ZBED5: variants seen among roughly 807,000 people sequenced by gnomAD.
The protein encoded by ZBED5 is zinc finger BED-type containing 5, also known as zinc finger BED domain-containing protein 5.
A neutral mutation model predicts 49.2 loss-of-function variants in ZBED5; 29 were observed. The observed-to-expected ratio is 0.59, with a 90% CI of 0.44 to 0.80. The LOEUF (loss-of-function observed/expected upper bound fraction) is 0.80. Ranked by LOEUF, ZBED5 falls within the 30% of genes least tolerant of loss-of-function variation. The probability of loss-of-function intolerance (pLI) is 0.00; values close to 1 mark genes in which losing one functional copy is unlikely to be tolerated. For synonymous variants in ZBED5, 281 were observed against 292.5 expected (o/e 0.96, Z 0.40); for missense variants, 775 against 812.9 (o/e 0.95, Z 0.57).
rs1351710845 is a variant in ZBED5, at chr11:10,852,815, A to C, written c.*49T>G. 1 of 1,438,108 alleles carries C rather than the reference A, an allele frequency of 7.0e-7. No homozygotes were observed. The highest frequency in any genetic ancestry group is 2.5e-5 in the East Asian group (1 of 39,842). 89.1% of individuals were successfully genotyped at this position (1,438,108 alleles called of 1,614,324 possible). On this transcript the variant is annotated 3_prime_UTR_variant, in exon 3 of 3. Transcript: ENST00000413761. ...CCAGAGATGAAGTAAATCATCTTTT[A>C]TTTTCATCTTACATTTGGTTATCAT...
Position 10,854,472 on chromosome 11 carries a change from A to G in ZBED5, c.474T>C (p.Ala158=), listed in dbSNP as rs377181543. The part of the protein sequence containing the change: ...KLRRHLETKH[A]AYKDKDISFF... ...AGCTTATGTCTTTGTCTTTATATGC[A>G]GCATGTTTAGTTTCCAAATGTCTTC... The change falls in exon 3 of 3, where the codon GCT becomes GCC. Residue 158 remains alanine, a synonymous_variant. Coordinates refer to ENST00000413761, the MANE Select transcript of ZBED5 (RefSeq NM_001143667.2). This position sits in a 1 kb window ranked among gnomAD's most constrained non-coding sequence, Gnocchi z 5.0. 1.3e-6 allele frequency: 2 copies of G among 1,551,358 alleles called. No individual in the cohort carries two copies. Among genetic ancestry groups the G allele is most frequent in the Non-Finnish European group, 1.7e-6 (2 of 1,146,914 alleles).
rs766935945 is a variant in ZBED5 at position 10,852,992 on chromosome 11, C to T, written c.1954G>A (p.Ala652Thr). The T allele has an allele frequency of 1.9e-5, 30 of 1,551,348 alleles. No individual in the cohort carries two copies. The highest frequency in any genetic ancestry group is 2.6e-5 in the Non-Finnish European group (30 of 1,146,940). The stretch of plus-strand genomic sequence containing the variant: ...TTCCTATATTTTGTTTTTGTTGCAG[C>T]GTAATATGAAAACCCCGTTTCACAC... Reference protein sequence around the residue: ...HLCETGFSYYAATKTKYRKRL... With the variant: ...HLCETGFSYYTATKTKYRKRL... The change falls in exon 3 of 3, where the codon GCT becomes ACT. Residue 652 changes from alanine (A) to threonine (T), a missense_variant. Coordinates refer to ENST00000413761, the MANE Select transcript of ZBED5 (RefSeq NM_001143667.2).
In ZBED5 at chr11:10,854,954, T is replaced by G. The variant is rs1200795814; in HGVS notation, c.-9A>C. 6.5e-7 allele frequency: 1 copy of G among 1,545,874 alleles called. No individual in the cohort carries two copies. Among genetic ancestry groups the G allele is most frequent in the South Asian group, 1.2e-5 (1 of 83,648 alleles). ...AGAAGAGGAGCAATCATCAAAGAGA[T>G]GATATACAGCAACACATCAGTTAAT... On this transcript the variant is annotated 5_prime_UTR_variant, in exon 3 of 3. Coordinates refer to ENST00000413761, the MANE Select transcript of ZBED5 (RefSeq NM_001143667.2). This position sits in a 1 kb window ranked among gnomAD's most constrained non-coding sequence, Gnocchi z 5.0.
rs1848194534 is a variant in ZBED5, at chr11:10,857,225, C to T, written c.-256+637G>A. 6.6e-6 allele frequency: 1 copy of T among 152,264 alleles called. No homozygotes were observed. Among genetic ancestry groups the T allele is most frequent in the South Asian group, 2.1e-4 (1 of 4,836 alleles). The allele number at this position is 152,264 out of a possible 1,614,324, so 9.4% of individuals were successfully genotyped here. A position where few individuals can be genotyped will look rare whatever the true frequency, so the allele number is the denominator to read the frequency against. ...AGAAAGAAGGTCCTCAACCCCACCT[C>T]TTCGAAGGTGTTTCCCCGAATTTCT... On this transcript the variant is annotated intron_variant, in intron 1 of 2. Coordinates refer to ENST00000413761, the MANE Select transcript of ZBED5 (RefSeq NM_001143667.2). The surrounding 1 kb of genome is among the most constrained non-coding windows in gnomAD (Gnocchi z 6.3).
rs777004597 is a variant in ZBED5, at chr11:10,852,871, G to C, written c.2075C>G (p.Ser692Cys). The change falls in exon 3 of 3, where the codon TCT (serine) becomes TGT (cysteine). Residue 692 changes from serine to cysteine, a missense_variant. Coordinates refer to ENST00000413761, the MANE Select transcript of ZBED5 (RefSeq NM_001143667.2). ...ATGCAAACTCCTCCAATTTTAATGA[G>C]AACAGTGTTTTTGTGTCTTTTTATC... is the stretch of plus-strand genomic sequence containing the variant. ...ICDKKTQKHCSH is the reference protein window; with the variant it reads ...ICDKKTQKHCCH 6.5e-7 allele frequency: 1 copy of C among 1,530,388 alleles called. No individual in the cohort carries two copies. The highest frequency in any genetic ancestry group is 1.2e-5 in the South Asian group (1 of 82,544). 94.8% of individuals were successfully genotyped at this position (1,530,388 alleles called of 1,614,324 possible).
chr11:10,855,396 C>A lies in ZBED5; in HGVS notation c.-141-310G>T, dbSNP rs941382938. Among the ~76,000 whole-genome samples, 2 of 152,136 alleles carry A rather than the reference C, an allele frequency of 1.3e-5. No individual in the cohort carries two copies. The highest frequency in any genetic ancestry group is 4.8e-5 in the African/African-American group (2 of 41,420). On this transcript the variant is annotated intron_variant, in intron 2 of 2. Transcript: ENST00000413761. The surrounding 1 kb of genome is among the most constrained non-coding windows in gnomAD (Gnocchi z 4.1). ...AAGGGCCATATAGTCTCTGTTGCAACTACTCAACTCTGTAGTTGTAACATG... is the reference window on the plus strand; with the variant it reads ...AAGGGCCATATAGTCTCTGTTGCAAATACTCAACTCTGTAGTTGTAACATG...
chr11:10,858,048 C>A lies in ZBED5; in HGVS notation c.-442G>T, dbSNP rs535364812. ...TCCGATTCGCGGCTGGCGCGGTCGC[C>A]GGTCTGAAGATAAATTTAGCACTCT... is the stretch of plus-strand genomic sequence containing the variant. On this transcript the variant is annotated 5_prime_UTR_variant, in exon 1 of 3. Transcript: ENST00000413761. 14 of 343,198 alleles carry A rather than the reference C, an allele frequency of 4.1e-5. No homozygotes were observed. The highest frequency in any genetic ancestry group is 6.3e-5 in the Non-Finnish European group (12 of 191,302). 21.3% of individuals were successfully genotyped at this position (343,198 alleles called of 1,614,324 possible).
chr11:10,854,848 G>A lies in ZBED5; in HGVS notation c.98C>T (p.Ser33Leu). 6.4e-7 allele frequency: 1 copy of A among 1,551,962 alleles called. No individual in the cohort carries two copies. The highest frequency in any genetic ancestry group is 8.7e-7 in the Non-Finnish European group (1 of 1,146,982). Residue 33 changes from serine to leucine, a missense_variant, in exon 3 of 3, where the codon TCA becomes TTA. Coordinates refer to ENST00000413761, the MANE Select transcript of ZBED5 (RefSeq NM_001143667.2). The surrounding 1 kb of genome is among the most constrained non-coding windows in gnomAD (Gnocchi z 5.0). The stretch of plus-strand genomic sequence containing the variant: ...TTTCAGCAACAGATCCATGGGCAAT[G>A]AGTTTGTGGTACAAAACATGGTTAA... ...SKLTMFCTTNSLPMDLLLKQG... is the reference protein window; with the variant it reads ...SKLTMFCTTNLLPMDLLLKQG...
In ZBED5 at chr11:10,854,422, G is replaced by A; in HGVS notation, c.524C>T (p.Pro175Leu). Residue 175 changes from proline to leucine, a missense_variant, in exon 3 of 3, where the codon CCT becomes CTT. Physicochemically the swap from Pro to Leu is moderately conservative, Grantham distance 98. Coordinates refer to ENST00000413761, the MANE Select transcript of ZBED5 (RefSeq NM_001143667.2). The surrounding 1 kb of genome is among the most constrained non-coding windows in gnomAD (Gnocchi z 5.0). ...AGGTGTTGGGGGTTTATTATTTTCA[G>A]GTGAATCGAGATGTTGCTTGAAAAA... ...ISFFKQHLDS[P>L]ENNKPPTPKI... The A allele has an allele frequency of 6.4e-7, 1 of 1,551,276 alleles. No homozygotes were observed. Among genetic ancestry groups the A allele is most frequent in the South Asian group, 1.2e-5 (1 of 84,060 alleles).
At position 10,853,066 on chromosome 11, in the gene ZBED5, A is replaced by G. The variant is rs1388418469; in HGVS notation, c.1880T>C (p.Ile627Thr). ...WSSLIQEYPS[I>T]ARRAVRVLLP... ...AAGTACACGCACTGCACGCCTTGCA[A>G]TGCTTGGGTATTCCTGAATTAGGCT... The change falls in exon 3 of 3, where the codon ATT becomes ACT. Residue 627 changes from isoleucine to threonine, a missense_variant. Coordinates refer to ENST00000413761, the MANE Select transcript of ZBED5 (RefSeq NM_001143667.2). This position sits in a 1 kb window ranked among gnomAD's most constrained non-coding sequence, Gnocchi z 5.4. 30 of 1,551,488 alleles carry G rather than the reference A, an allele frequency of 1.9e-5. No homozygotes were observed. Among genetic ancestry groups the G allele is most frequent in the Non-Finnish European group, 2.4e-5 (28 of 1,146,890 alleles).
In ZBED5 at chr11:10,857,170, G is replaced by A. The variant is rs1422592325; in HGVS notation, c.-256+692C>T. On this transcript the variant is annotated intron_variant, in intron 1 of 2. Coordinates refer to ENST00000413761, the MANE Select transcript of ZBED5 (RefSeq NM_001143667.2). This position sits in a 1 kb window ranked among gnomAD's most constrained non-coding sequence, Gnocchi z 6.3. Reference sequence around the variant, plus strand: ...ATCAGGATCCCTCTCGTTGCCAGAGGACACAGAAGAGTAGGAAGCTTTTGT... The same window carrying A: ...ATCAGGATCCCTCTCGTTGCCAGAGAACACAGAAGAGTAGGAAGCTTTTGT... 2.0e-5 allele frequency: 3 copies of A among 152,236 alleles called. No individual in the cohort carries two copies. The highest frequency in any genetic ancestry group is 2.9e-5 in the Non-Finnish European group (2 of 68,044). The allele number at this position is 152,236 out of a possible 1,614,324, so 9.4% of individuals were successfully genotyped here.
Position 10,854,672 on chromosome 11 carries a change from A to G in ZBED5, c.274T>C (p.Phe92Leu). Residue 92 changes from phenylalanine to leucine, a missense_variant, in exon 3 of 3, where the codon TTT becomes CTT. Transcript: ENST00000413761. This position sits in a 1 kb window ranked among gnomAD's most constrained non-coding sequence, Gnocchi z 5.0. Reference protein sequence around the residue: ...KSEGELSRVKFISNSNKITFS... With the variant: ...KSEGELSRVKLISNSNKITFS... ...GTTATTTTGTTGGAATTGGATATAA[A>G]TTTGACCCTGGAAAGCTCACCTTCT... 6.4e-7 allele frequency: 1 copy of G among 1,551,426 alleles called. No homozygotes were observed. Among genetic ancestry groups the G allele is most frequent in the Admixed American group, 2.0e-5 (1 of 51,008 alleles).
Position 10,854,832 on chromosome 11 carries a change from C to A in ZBED5, c.114G>T (p.Leu38=). 6.4e-7 allele frequency: 1 copy of A among 1,552,078 alleles called. No individual in the cohort carries two copies. Among genetic ancestry groups the A allele is most frequent in the Admixed American group, 2.0e-5 (1 of 51,004 alleles). ...FCTTNSLPMD[L]LLKQGSLKQE... is the part of the protein sequence containing the mutation. Reference sequence around the variant, plus strand: ...GTTTAAGACTTCCTTGTTTCAGCAACAGATCCATGGGCAATGAGTTTGTGG... The same window carrying A: ...GTTTAAGACTTCCTTGTTTCAGCAAAAGATCCATGGGCAATGAGTTTGTGG... The change falls in exon 3 of 3, where the codon CTG becomes CTT. Residue 38 remains leucine (L), a synonymous_variant. Coordinates refer to ENST00000413761, the MANE Select transcript of ZBED5 (RefSeq NM_001143667.2). The surrounding 1 kb of genome is among the most constrained non-coding windows in gnomAD (Gnocchi z 5.0).
chr11:10,854,591 A>G lies in ZBED5; in HGVS notation c.355T>C (p.Phe119Leu). 6.4e-7 allele frequency: 1 copy of G among 1,551,232 alleles called. No individual in the cohort carries two copies. Among genetic ancestry groups the G allele is most frequent in the Non-Finnish European group, 8.7e-7 (1 of 1,146,822 alleles). ...GCATCTCTATTTCCGAAGTAAGTAA[A>G]TCCAAAAGACAAATAACTTTCATCA... is the stretch of plus-strand genomic sequence containing the variant. ...KYDESYLSFG[F>L]TYFGNRDAPH... The change falls in exon 3 of 3, where the codon TTT (phenylalanine) becomes CTT (leucine). Residue 119 changes from phenylalanine to leucine, a missense_variant. Transcript: ENST00000413761. The surrounding 1 kb of genome is among the most constrained non-coding windows in gnomAD (Gnocchi z 5.0).
Position 10,853,559 on chromosome 11 carries a change from CAGAT to C in ZBED5, c.1383_1386del (p.Ser462IlefsTer3). 6.5e-7 allele frequency: 1 copy of C among 1,549,998 alleles called. No homozygotes were observed. Among genetic ancestry groups the C allele is most frequent in the Non-Finnish European group, 8.7e-7 (1 of 1,146,114 alleles). On this transcript the variant is annotated frameshift_variant, in exon 3 of 3. Coordinates refer to ENST00000413761, the MANE Select transcript of ZBED5 (RefSeq NM_001143667.2). LOFTEE classifies it high-confidence loss of function. This position sits in a 1 kb window ranked among gnomAD's most constrained non-coding sequence, Gnocchi z 5.4. ...AGCCAAGATGAATTTGTTAAACAAT[CAGAT>C]AGTCGAAAAGCAGAATCCATGAAAA...
In ZBED5 at chr11:10,852,781, C is replaced by A. The variant is rs1186928242; in HGVS notation, c.*83G>T. ...AAAATGGAATCATTTTATTTAAATC[C>A]CCCAAATACCAGAGATGAAGTAAAT... On this transcript the variant is annotated 3_prime_UTR_variant, in exon 3 of 3. Transcript: ENST00000413761. 7.1e-7 allele frequency: 1 copy of A among 1,405,696 alleles called. No homozygotes were observed. The highest frequency in any genetic ancestry group is 1.4e-5 in the African/African-American group (1 of 69,296). 87.1% of individuals were successfully genotyped at this position (1,405,696 alleles called of 1,614,324 possible). A position where few individuals can be genotyped will look rare whatever the true frequency, so the allele number is the denominator to read the frequency against.
chr11:10,853,178 G>T lies in ZBED5; in HGVS notation c.1768C>A (p.Arg590=). 3 of 1,551,604 alleles carry T rather than the reference G, an allele frequency of 1.9e-6. No homozygotes were observed. Among genetic ancestry groups the T allele is most frequent in the Non-Finnish European group, 1.7e-6 (2 of 1,146,952 alleles). The change falls in exon 3 of 3, where the codon CGG becomes AGG. Residue 590 remains arginine, a synonymous_variant. Transcript: ENST00000413761. The surrounding 1 kb of genome is among the most constrained non-coding windows in gnomAD (Gnocchi z 5.4). ...AAATCAATCAGGCTCTCATAGTCCC[G>T]TGCTACTAATGAAGCTGGTTTAACA... The part of the protein sequence containing the change: ...VTVKPASLVA[R]DYESLIDLTS...
chr11:10,856,542 G>A (rs1056764562), intron 1 of ZBED5, among the ~76,000 whole-genome samples: 1 of 152,128 alleles, frequency 6.6e-6, no homozygotes, highest in Non-Finnish European at 1.5e-5. Flanking sequence ...TTGAAACTAA[G>A]CCTAATTTTT....
At position 10,854,135 on chromosome 11, in the gene ZBED5, C is replaced by T. The variant is rs982536927; in HGVS notation, c.811G>A (p.Asp271Asn). 139 of 1,550,654 alleles carry T rather than the reference C, an allele frequency of 9.0e-5. No homozygotes were observed. Among genetic ancestry groups the T allele is most frequent in the Non-Finnish European group, 1.0e-4 (118 of 1,146,474 alleles). Residue 271 changes from aspartate (D) to asparagine (N), a missense_variant, in exon 3 of 3, where the codon GAT (aspartate) becomes AAT (asparagine). Asp to Asn is a conservative substitution (Grantham distance 23). Coordinates refer to ENST00000413761, the MANE Select transcript of ZBED5 (RefSeq NM_001143667.2). The surrounding 1 kb of genome is among the most constrained non-coding windows in gnomAD (Gnocchi z 5.0). ...TCATCTAGTTGCAGTGAAAACCCATCGCAAATTTTCAGTCTACAAACAAGC... is the reference window on the plus strand; with the variant it reads ...TCATCTAGTTGCAGTGAAAACCCATTGCAAATTTTCAGTCTACAAACAAGC... ...EELVCRLKICDGFSLQLDESA... is the reference protein window; with the variant it reads ...EELVCRLKICNGFSLQLDESA...
Sources: gnomAD v4.1 joint callset for allele counts (sites outside exome capture counted in the v4.1 genomes callset) on GRCh38, gnomAD v4.1.1 for gene constraint, Gnocchi (gnomAD v3.1) non-coding constraint, MANE v1.5 for transcripts, NCBI Gene and HGNC (gene_info 2026-07-23, HGNC 2026-07-21) for gene names.